The following SSH1 variants were observed in gnomAD, a reference collection of about 807,000 sequenced individuals.
The protein encoded by SSH1 is slingshot protein phosphatase 1.
A neutral mutation model predicts 79.7 loss-of-function variants in SSH1; 43 were observed. The observed-to-expected ratio is 0.54, with a 90% confidence interval of 0.42 to 0.70. SSH1 has a LOEUF of 0.70. Among genes scored for constraint, SSH1 ranks in the 30% least tolerant of loss-of-function variants. SSH1 has a pLI of 0.00. For missense variants in SSH1, 1,206 were observed against 1,358.8 expected (o/e 0.89, Z 1.77); for synonymous variants, 599 against 538.3 (o/e 1.11, Z -1.56).
intron 1 of SSH1, among the ~76,000 whole-genome samples, chr12:108,853,794 T>C (rs954703020): frequency 1.3e-5 from 2 of 151,886 alleles, no homozygotes; most frequent in African/African-American, 2.4e-5. Context: ...CACGGTGACA[T>C]GTACCTGTAA....
rs1184471620 is a variant in SSH1, at chr12:108,818,329, A to G, written c.215-16T>C. 1.3e-5 allele frequency: 21 copies of G among 1,613,188 alleles called. No homozygotes were observed. Among genetic ancestry groups the G allele is most frequent in the Non-Finnish European group, 1.8e-5 (21 of 1,179,406 alleles). On this transcript the variant is annotated splice_polypyrimidine_tract_variant and intron_variant, in intron 3 of 14. Transcript: ENST00000326495. Reference sequence around the variant, plus strand: ...GGCAGATCACCTGTTGGACCAATAAAGAAAGCTTTAAAAGGTCTCTTACCT... The same window carrying G: ...GGCAGATCACCTGTTGGACCAATAAGGAAAGCTTTAAAAGGTCTCTTACCT...
rs2036158248 is a variant in SSH1, at chr12:108,782,431, A to C, written c.*5557T>G. On this transcript the variant is annotated 3_prime_UTR_variant, in exon 15 of 15. Transcript: ENST00000326495. Reference sequence around the variant, plus strand: ...GTGGGTAACTTTTTTTTTTTGGTACACAAAGGACCACCCACAGGTGGGCCT... The same window carrying C: ...GTGGGTAACTTTTTTTTTTTGGTACCCAAAGGACCACCCACAGGTGGGCCT... 6.6e-6 allele frequency: 1 copy of C among 151,782 alleles called. No individual in the cohort carries two copies. The highest frequency in any genetic ancestry group is 2.4e-5 in the African/African-American group (1 of 41,330). 9.4% of individuals were successfully genotyped at this position (151,782 alleles called of 1,614,324 possible). A position where few individuals can be genotyped will look rare whatever the true frequency, so the allele number is the denominator to read the frequency against.
intron 2 of SSH1, among the ~76,000 whole-genome samples, chr12:108,840,246 C>T (rs1223657023): frequency 6.6e-6 from 1 of 151,970 alleles, no homozygotes; most frequent in Non-Finnish European, 1.5e-5. Context: ...TGGCTCCTCT[C>T]GGGGGCTGGG....
Position 108,818,244 on chromosome 12 carries a change from C to T in SSH1, c.279+5G>A. ...TTTTAACTTGACATTCTCACTGCTT[C>T]TTACCAGCTTGATTCTGTCTTCGCA... On this transcript the variant is annotated splice_donor_5th_base_variant and intron_variant, in intron 4 of 14. Transcript: ENST00000326495. 6.2e-7 allele frequency: 1 copy of T among 1,613,626 alleles called. No individual in the cohort carries two copies. The highest frequency in any genetic ancestry group is 8.5e-7 in the Non-Finnish European group (1 of 1,179,828).
At chr12:108,852,476 C>T (rs1028060453) in intron 2 of SSH1, among the ~76,000 whole-genome samples, 162 bp downstream of exon 2, 1 of 152,018 alleles carries the variant, frequency 6.6e-6, no homozygotes, top group Non-Finnish European at 1.5e-5. Context: ...GTGATCCACC[C>T]GCCTCAGCCT....
rs2039075630 is a variant in SSH1, at chr12:108,853,023, T to C, written c.70-345A>G. 5.1e-6 allele frequency: 5 copies of C among 985,298 alleles called. No individual in the cohort carries two copies. The South Asian group carries it at 2.3e-4, about 46-fold the overall frequency. 61.0% of individuals were successfully genotyped at this position (985,298 alleles called of 1,614,324 possible). Reference sequence around the variant, plus strand: ...GGTTGTTCTGGACCTTATCCTGTTTTTCTCTTTTAAGGGGAGGGGGTCATG... The same window carrying C: ...GGTTGTTCTGGACCTTATCCTGTTTCTCTCTTTTAAGGGGAGGGGGTCATG... On this transcript the variant is annotated intron_variant, in intron 1 of 14. Coordinates refer to ENST00000326495, the MANE Select transcript of SSH1 (RefSeq NM_018984.4).
intron 4 of SSH1, chr12:108,817,483 G>A (rs559060902): frequency 8.4e-6 from 3 of 357,518 alleles, no homozygotes; most frequent in Admixed American, 7.6e-5. Context: ...ACTGAGGCAC[G>A]AGAATCTCTT....
chr12:108,821,936 T>G (rs900111555), intron 3 of SSH1, among the ~76,000 whole-genome samples: 2 of 152,226 alleles, frequency 1.3e-5, no homozygotes, highest in Non-Finnish European at 2.9e-5. Flanking sequence ...CCTGCTGCTG[T>G]TCTGAAAGGT....
chr12:108,831,572 G>A (rs1450096661), intron 2 of SSH1, among the ~76,000 whole-genome samples: 2 of 152,264 alleles, frequency 1.3e-5, no homozygotes, highest in East Asian at 1.9e-4. Context: ...CAAGTTCCAC[G>A]GTGGAAGGAG....
At chr12:108,817,227 G>T in intron 4 of SSH1, 68 bp from the exon 5 acceptor site, 1 of 1,599,162 alleles carries the variant, frequency 6.3e-7, no homozygotes, top group African/African-American at 1.3e-5. Flanking sequence ...CATCTCCAAT[G>T]CAAGATCAAC....
chr12:108,814,166 G>T (rs954902662), intron 5 of SSH1, among the ~76,000 whole-genome samples: 18 of 151,876 alleles, frequency 1.2e-4, no homozygotes, highest in Non-Finnish European at 2.4e-4. Flanking sequence ...AGAGGTTGCA[G>T]TGAGCCAAGA....
chr12:108,837,467 G>A (rs1174881593), intron 2 of SSH1, among the ~76,000 whole-genome samples: 3 of 152,182 alleles, frequency 2.0e-5, no homozygotes, highest in South Asian at 2.1e-4. Context: ...GCTGTGTTGC[G>A]GTTCTGTGGG....
intron 1 of SSH1, among the ~76,000 whole-genome samples, chr12:108,854,932 T>C (rs1371790579): frequency 6.6e-6 from 1 of 152,236 alleles, no homozygotes. Flanking sequence ...AACGAGGGCC[T>C]TGCCTTCGGG....
chr12:108,817,747 G>T (rs2037957002), intron 4 of SSH1, among the ~76,000 whole-genome samples: 1 of 152,212 alleles, frequency 6.6e-6, no homozygotes, highest in Non-Finnish European at 1.5e-5. Context: ...TTATTTAACT[G>T]CCGTGGAGAC....
chr12:108,828,663 C>G (rs571328359), intron 2 of SSH1, among the ~76,000 whole-genome samples: 12 of 152,280 alleles, frequency 7.9e-5, no homozygotes, highest in Admixed American at 1.3e-4. Flanking sequence ...AAGTAGAAAT[C>G]AGAAGGGCAG....
chr12:108,814,496 T>C (rs2037791413), intron 5 of SSH1, among the ~76,000 whole-genome samples: 1 of 151,918 alleles, frequency 6.6e-6, no homozygotes, highest in Admixed American at 6.6e-5. Context: ...AACAGCCTGG[T>C]GCCCGGGCAA....
chr12:108,834,155 A>AT (rs1566011819), intron 2 of SSH1: 15 of 152,256 alleles, frequency 9.9e-5, no homozygotes, highest in African/African-American at 3.6e-4. Flanking sequence ...ATAAAAAACC[A>AT]TTCTTGTATT....
rs191762521 is a variant in SSH1, at chr12:108,792,035, T to G, written c.1893+251A>C. Reference sequence around the variant, plus strand: ...GGGGTGAAGATGGTGTGCAGAGATATGTGTTATTCCCAACAGATTCTCAAT... The same window carrying G: ...GGGGTGAAGATGGTGTGCAGAGATAGGTGTTATTCCCAACAGATTCTCAAT... On this transcript the variant is annotated intron_variant, in intron 14 of 14. Coordinates refer to ENST00000326495, the MANE Select transcript of SSH1 (RefSeq NM_018984.4). 12 of 1,434,796 alleles carry G rather than the reference T, an allele frequency of 8.4e-6. No individual in the cohort carries two copies. In the South Asian group the frequency reaches 1.8e-4, roughly 21 times the overall value. 88.9% of individuals were successfully genotyped at this position (1,434,796 alleles called of 1,614,324 possible). A position where few individuals can be genotyped will look rare whatever the true frequency, so the allele number is the denominator to read the frequency against.
chr12:108,785,685 TTTAGA>T lies in SSH1; in HGVS notation c.*2298_*2302del, dbSNP rs2036252674. 6.6e-6 allele frequency: 1 copy of T among 152,054 alleles called. No homozygotes were observed. The highest frequency in any genetic ancestry group is 2.1e-4 in the South Asian group (1 of 4,826). 9.4% of individuals were successfully genotyped at this position (152,054 alleles called of 1,614,324 possible). On this transcript the variant is annotated 3_prime_UTR_variant, in exon 15 of 15. Coordinates refer to ENST00000326495, the MANE Select transcript of SSH1 (RefSeq NM_018984.4). ...GATTCCACACCCCACCCCCCAACTC[TTTAGA>T]TAAGAAAAATTATGGCTTTCAAAAT...
Sources: gnomAD v4.1 joint callset for allele counts (sites outside exome capture counted in the v4.1 genomes callset) on GRCh38, gnomAD v4.1.1 for gene constraint, MANE v1.5 for transcripts, NCBI Gene and HGNC (gene_info 2026-07-23, HGNC 2026-07-21) for gene names.